The following MGAT4C variants were observed in gnomAD, a reference collection of about 807,000 sequenced individuals.
MGAT4C encodes the protein alpha-1,3-mannosyl-glycoprotein 4-beta-N-acetylglucosaminyltransferase C.
Under a neutral mutation model 40.1 loss-of-function variants are expected in MGAT4C, and 19 were observed. That is an observed-to-expected ratio of 0.47 (90% CI 0.33 to 0.70). MGAT4C has a LOEUF of 0.70. Ranked by LOEUF, MGAT4C falls within the 30% of genes least tolerant of loss-of-function variation. MGAT4C has a pLI of 0.02. For synonymous variants in MGAT4C, 181 were observed against 187.1 expected (o/e 0.97, Z 0.27); for missense variants, 491 against 563.2 (o/e 0.87, Z 1.30).
At chr12:86,466,407 A>G (rs967395546) in intron 2 of MGAT4C, among the ~76,000 whole-genome samples, 6 of 152,170 alleles carry the variant, frequency 3.9e-5, no homozygotes, top group Admixed American at 3.9e-4. Flanking sequence ...AGGAAACTTA[A>G]ATGCATATTA....
At chr12:86,522,671 G>T (rs1592948784) in intron 2 of MGAT4C, among the ~76,000 whole-genome samples, 1 of 152,166 alleles carries the variant, frequency 6.6e-6, no homozygotes, top group South Asian at 2.1e-4. Flanking sequence ...CAGCAGGAAC[G>T]GTACCAGCTC....
chr12:86,056,437 A>G (rs1408393459), intron 1 of MGAT4C, among the ~76,000 whole-genome samples: 10 of 151,998 alleles, frequency 6.6e-5, no homozygotes, highest in Non-Finnish European at 1.5e-4. Context: ...CCTGTGTCCA[A>G]GTGTTCTCAT....
At chr12:86,257,597 G>A (rs1244890168), upstream of MGAT4C, among the ~76,000 whole-genome samples, 1 of 152,200 alleles carries the variant, frequency 6.6e-6, no homozygotes, top group Non-Finnish European at 1.5e-5. Flanking sequence ...TCTGAATAAT[G>A]GATTCAGGGC....
At chr12:85,991,488 T>C (rs1885935288) in intron 2 of MGAT4C, among the ~76,000 whole-genome samples, 1 of 152,150 alleles carries the variant, frequency 6.6e-6, no homozygotes. Flanking sequence ...GAAGTCTGTC[T>C]GCCTCCCACT....
intron 2 of MGAT4C, among the ~76,000 whole-genome samples, chr12:86,698,544 TG>T (rs1248969713): frequency 1.3e-5 from 2 of 152,152 alleles, no homozygotes. Context: ...AATATCTATA[TG>T]AAATTACAAT....
chr12:86,062,851 C>A (rs898198606), intron 1 of MGAT4C, among the ~76,000 whole-genome samples: 1 of 151,788 alleles, frequency 6.6e-6, no homozygotes, highest in African/African-American at 2.4e-5. Context: ...ACAAACAAAG[C>A]CTCGAAGAAA....
At position 86,517,906 on chromosome 12, in the gene MGAT4C, C is replaced by T. The variant is rs567835721; in HGVS notation, c.-228-82641G>A. ...CTCGTGATCTGCCTGCCTCGACCTC[C>T]CAAAGTGCTGGGATTACAGGCGTGA... On this transcript the variant is annotated intron_variant, in intron 2 of 7. Transcript: ENST00000548651. Among the ~76,000 whole-genome samples the T allele has an allele frequency of 4.6e-5, 7 of 152,284 alleles. No individual in the cohort carries two copies. The South Asian group carries it at 1.4e-3, about 32-fold the overall frequency.
intron 2 of MGAT4C, among the ~76,000 whole-genome samples, chr12:86,009,573 C>T (rs1451497526): frequency 1.3e-5 from 2 of 152,122 alleles, no homozygotes; most frequent in Non-Finnish European, 2.9e-5. Flanking sequence ...ACGAAAATGA[C>T]CTCATTTCCC....
intron 1 of MGAT4C, among the ~76,000 whole-genome samples, chr12:86,746,716 G>T (rs1951159383): frequency 6.6e-6 from 1 of 151,266 alleles, no homozygotes; most frequent in Admixed American, 6.6e-5. Context: ...TTCTCTTCTG[G>T]AACAGTCCTT....
At chr12:86,731,948 CT>C (rs1593158736) in intron 1 of MGAT4C, among the ~76,000 whole-genome samples, 2 of 152,076 alleles carry the variant, frequency 1.3e-5, no homozygotes, top group African/African-American at 4.8e-5. Context: ...TTATAAAACC[CT>C]GAATGAGTGG....
intron 2 of MGAT4C, among the ~76,000 whole-genome samples, chr12:85,994,719 C>T (rs755251368): frequency 6.6e-6 from 1 of 152,028 alleles, no homozygotes; most frequent in Admixed American, 6.6e-5. Flanking sequence ...AACAAAATAG[C>T]TGATTTCAAG....
At chr12:86,029,068 C>T (rs2136897126) in intron 2 of MGAT4C, among the ~76,000 whole-genome samples, 1 of 151,894 alleles carries the variant, frequency 6.6e-6, no homozygotes, top group African/African-American at 2.4e-5. Flanking sequence ...TAGTAAAATG[C>T]CTGATGCTAT....
intron 1 of MGAT4C, among the ~76,000 whole-genome samples, chr12:86,211,704 T>G (rs1950478400): frequency 6.6e-6 from 1 of 152,178 alleles, no homozygotes; most frequent in South Asian, 2.1e-4. Context: ...CTTTTCAAGT[T>G]CTAACCATTT....
chr12:86,538,097 T>C (rs1027944029), intron 2 of MGAT4C, among the ~76,000 whole-genome samples: 6 of 151,884 alleles, frequency 4.0e-5, no homozygotes, highest in African/African-American at 7.2e-5. Context: ...AATAAATAAA[T>C]AAACAAATAA....
chr12:86,824,535 G>C, intron 1 of MGAT4C, among the ~76,000 whole-genome samples: 1 of 151,238 alleles, frequency 6.6e-6, no homozygotes, highest in Non-Finnish European at 1.5e-5. Flanking sequence ...GCATCTACTG[G>C]GGGTCTTGGA....
At chr12:86,803,684 A>T (rs1952279847) in intron 1 of MGAT4C, among the ~76,000 whole-genome samples, 1 of 151,158 alleles carries the variant, frequency 6.6e-6, no homozygotes, top group Non-Finnish European at 1.5e-5. Context: ...ATCACTGGCC[A>T]TCGGAGAAAT....
chr12:86,612,497 C>A (rs1962317648), intron 2 of MGAT4C, among the ~76,000 whole-genome samples: 1 of 151,912 alleles, frequency 6.6e-6, no homozygotes, highest in Non-Finnish European at 1.5e-5. Context: ...AGCCTGTAAT[C>A]CCAGCACTTT....
At position 86,237,132 on chromosome 12, in the gene MGAT4C, AAC is replaced by A. The variant is rs113335605; in HGVS notation, c.-57+19105_-57+19106del. On this transcript the variant is annotated intron_variant, in intron 1 of 4. Transcript: ENST00000611864. ...ATATAAACATAATAAGGATATAGAA[AAC>A]ACACACACACCACACATACACACAA... Among the ~76,000 whole-genome samples the A allele has an allele frequency of 7.9e-3, 1,192 of 151,256 alleles. 21 individuals are homozygous for A. Among genetic ancestry groups the A allele is most frequent in the African/African-American group, 0.028 (1,142 of 41,376 alleles).
intron 3 of MGAT4C, among the ~76,000 whole-genome samples, chr12:86,370,438 A>G (rs1396873946): frequency 6.6e-6 from 1 of 152,086 alleles, no homozygotes; most frequent in Non-Finnish European, 1.5e-5. Flanking sequence ...ATATAGCACT[A>G]GTATGGAAAA....
Sources: allele counts gnomAD v4.1 joint callset (sites outside exome capture counted in the v4.1 genomes callset), GRCh38; gene constraint gnomAD v4.1.1; transcripts MANE v1.5; gene names NCBI Gene and HGNC (gene_info 2026-07-23, HGNC 2026-07-21).